TPP2: variants seen among roughly 807,000 people sequenced by gnomAD.
TPP2 encodes the protein tripeptidyl-peptidase 2.
In TPP2, 34 loss-of-function variants were observed where a neutral mutation model predicts 155.9. The observed-to-expected ratio is 0.22, with a 90% CI of 0.17 to 0.29. TPP2 has a LOEUF of 0.29. Ranked by LOEUF, TPP2 falls within the 10% of genes least tolerant of loss-of-function variation. The pLI is 1.00. For synonymous variants in TPP2, 510 were observed against 529.4 expected (o/e 0.96, Z 0.50); for missense variants, 1,028 against 1,522.3 (o/e 0.68, Z 5.40).
chr13:102,667,219 T>C (rs60530185), intron 27 of TPP2, among the ~76,000 whole-genome samples: 15,318 of 152,256 alleles, frequency 0.1, 1,160 homozygotes, highest in African/African-American at 0.22. Flanking sequence ...TTAAAAAATA[T>C]TAACTTTTAG....
In TPP2 at chr13:102,646,302, G is replaced by A. The variant is rs140329690; in HGVS notation, c.2402G>A (p.Ser801Asn). The change falls in exon 20 of 30, where the codon AGT becomes AAT. Residue 801 changes from serine (S) to asparagine (N), a missense_variant. Physicochemically the swap from Ser to Asn is conservative, Grantham distance 46. Transcript: ENST00000376052. ...TAGTTTCCTCATTACAGCCCAGTGA[G>A]TGCAAAAACAAAACCTTTAGGATCA... is the stretch of plus-strand genomic sequence containing the variant. ...KNWVQTLRPV[S>N]AKTKPLGSRD... The A allele has an allele frequency of 2.1e-4, 345 of 1,612,060 alleles. No homozygotes were observed. Among genetic ancestry groups the A allele is most frequent in the Non-Finnish European group, 2.8e-4 (327 of 1,179,238 alleles).
chr13:102,642,130 C>T (rs652283), intron 16 of TPP2, among the ~76,000 whole-genome samples: 75,273 of 151,900 alleles, frequency 0.5, 19,054 homozygotes, highest in African/African-American at 0.6. Flanking sequence ...TAAATATAGT[C>T]GTTAGTCTGT....
At chr13:102,673,548 G>C (rs548806783) in intron 27 of TPP2, among the ~76,000 whole-genome samples, 3 of 152,258 alleles carry the variant, frequency 2.0e-5, no homozygotes, top group African/African-American at 7.2e-5. Context: ...TCTGTGCCGG[G>C]CATTGTCCTA....
intron 21 of TPP2, 77 bp downstream of exon 21, chr13:102,647,421 G>A: frequency 6.5e-7 from 1 of 1,528,036 alleles, no homozygotes; most frequent in Non-Finnish European, 8.8e-7. Context: ...TCTTGTTATG[G>A]TAATGTTCAT....
chr13:102,604,656 G>T, intron 1 of TPP2, 137 bp from the exon 2 acceptor site: 3 of 999,700 alleles, frequency 3.0e-6, no homozygotes, highest in Non-Finnish European at 4.3e-6. Context: ...TCAGGCTTTT[G>T]GCTTAAAACA....
rs614290 is a variant in TPP2, at chr13:102,638,224, G to A, written c.1837-15G>A. 760,428 of 1,606,932 alleles carry A rather than the reference G, an allele frequency of 0.47. 182,372 individuals are homozygous for A. The highest frequency in any genetic ancestry group is 0.6 in the African/African-American group (44,916 of 74,822). ...TTGTTTATGGATATTGACACTTACC[G>A]ATTCTTTTTTCAAGGTATGTGGCTA... On this transcript the variant is annotated splice_polypyrimidine_tract_variant and intron_variant, in intron 14 of 29. Coordinates refer to ENST00000376052, the MANE Select transcript of TPP2 (RefSeq NM_001330588.2).
At position 102,635,696 on chromosome 13, in the gene TPP2, T is replaced by C; in HGVS notation, c.1503T>C (p.Ile501=). ...NIEVFAQGHG[I]IQVDKAYDYL... ...AAGTATTTGCTCAAGGACATGGTAT[T>C]ATTCAGGTATTGTTGCCTATATGAA... The change falls in exon 12 of 30, where the codon ATT becomes ATC. Residue 501 remains isoleucine (I), a synonymous_variant. Coordinates refer to ENST00000376052, the MANE Select transcript of TPP2 (RefSeq NM_001330588.2). 1 of 1,610,414 alleles carries C rather than the reference T, an allele frequency of 6.2e-7. No individual in the cohort carries two copies.
chr13:102,630,290 T>C (rs1881931892), intron 10 of TPP2, 95 bp downstream of exon 10: 6 of 889,086 alleles, frequency 6.7e-6, no homozygotes, highest in Middle Eastern at 5.3e-4. Flanking sequence ...GCTAGTTTTT[T>C]TCTGTTGGTT....
Position 102,666,766 on chromosome 13 carries a change from C to CTTTTTTTTTTTTTTT in TPP2, c.3371+1852_3371+1866dup. Among the ~76,000 whole-genome samples the CTTTTTTTTTTTTTTT allele has an allele frequency of 2.6e-3, 145 of 55,742 alleles. 2 individuals carry two copies. The highest frequency in any genetic ancestry group is 2.9e-3 in the Non-Finnish European group (95 of 32,656). 36.6% of individuals were successfully genotyped at this position (55,742 alleles called of 152,430 possible). A position where few individuals can be genotyped will look rare whatever the true frequency, so the allele number is the denominator to read the frequency against. ...TGGTCTTTATCACTGTTTTTAATCT[C>CTTTTTTTTTTTTTTT]TTTTTTTTTTTTTTTTTTTTTTTTT... On this transcript the variant is annotated intron_variant, in intron 27 of 29. Coordinates refer to ENST00000376052, the MANE Select transcript of TPP2 (RefSeq NM_001330588.2).
chr13:102,612,026 G>A (rs929193747), intron 2 of TPP2, among the ~76,000 whole-genome samples: 4 of 152,084 alleles, frequency 2.6e-5, no homozygotes, highest in African/African-American at 4.8e-5. Context: ...GTAGCATTTT[G>A]GAAGGAAGCA....
chr13:102,602,444 A>C (rs540540944), intron 1 of TPP2, among the ~76,000 whole-genome samples: 2 of 152,232 alleles, frequency 1.3e-5, no homozygotes, highest in Admixed American at 6.5e-5. Flanking sequence ...ATTATAGGAC[A>C]GTTCCCAAGA....
At chr13:102,652,974 G>A (rs963390798) in intron 24 of TPP2, among the ~76,000 whole-genome samples, 8 of 152,298 alleles carry the variant, frequency 5.3e-5, no homozygotes, top group Non-Finnish European at 8.8e-5. Context: ...CACTTATCAC[G>A]AAGGCCATAG....
At chr13:102,621,703 A>G (rs1326747658) in intron 5 of TPP2, among the ~76,000 whole-genome samples, 1 of 152,230 alleles carries the variant, frequency 6.6e-6, no homozygotes, top group Non-Finnish European at 1.5e-5. Context: ...TCATCAGGCA[A>G]CAGCGGTAAG....
intron 2 of TPP2, chr13:102,607,882 T>A (rs750854999): frequency 4.6e-5 from 9 of 194,774 alleles, no homozygotes; most frequent in Non-Finnish European, 9.9e-5. Context: ...TGAGCCACCA[T>A]GCCTGGCCTC....
chr13:102,615,264 G>A (rs1880632596), intron 3 of TPP2, among the ~76,000 whole-genome samples: 2 of 152,106 alleles, frequency 1.3e-5, no homozygotes, highest in Non-Finnish European at 2.9e-5. Context: ...AACCTCCTGG[G>A]CAATCCTCCC....
chr13:102,610,140 G>A (rs1007681121), intron 2 of TPP2, among the ~76,000 whole-genome samples: 6 of 152,156 alleles, frequency 3.9e-5, no homozygotes, highest in African/African-American at 1.4e-4. Flanking sequence ...TTGCATCTCT[G>A]CAACTCTTTA....
rs755154776 is a variant in TPP2 at position 102,616,467 on chromosome 13, A to G, written c.462A>G (p.Glu154=). The G allele has an allele frequency of 3.7e-6, 6 of 1,612,372 alleles. No individual in the cohort carries two copies. In the African/African-American group the frequency reaches 8.0e-5, roughly 22 times the overall value. ...TTGCAGAAGCCTGTAGAAAACAGGAAGAATTTGATGTTGCCAACAACGGCT... is the reference window on the plus strand; with the variant it reads ...TTGCAGAAGCCTGTAGAAAACAGGAGGAATTTGATGTTGCCAACAACGGCT... ...VALAEACRKQ[E]EFDVANNGSS... Residue 154 remains glutamate (E), a synonymous_variant, in exon 4 of 30, where the codon GAA becomes GAG. Coordinates refer to ENST00000376052, the MANE Select transcript of TPP2 (RefSeq NM_001330588.2).
chr13:102,645,152 A>G (rs970472024), intron 19 of TPP2, 143 bp downstream of exon 19: 3 of 752,408 alleles, frequency 4.0e-6, no homozygotes, highest in Non-Finnish European at 6.3e-6. Context: ...GATCTCTGCA[A>G]GGCAGCCCCA....
At chr13:102,647,477 C>T in intron 21 of TPP2, 133 bp downstream of exon 21, 1 of 1,136,536 alleles carries the variant, frequency 8.8e-7, no homozygotes, top group Non-Finnish European at 1.2e-6. Context: ...AGTACTTTTG[C>T]AAACTGTGAG....
Sources: gnomAD v4.1 joint callset for allele counts (sites outside exome capture counted in the v4.1 genomes callset) on GRCh38, gnomAD v4.1.1 for gene constraint, MANE v1.5 for transcripts, NCBI Gene and HGNC (gene_info 2026-07-23, HGNC 2026-07-21) for gene names.